The following SATB2 variants were observed in gnomAD, a reference collection of about 807,000 sequenced individuals.
SATB2 encodes DNA-binding protein SATB2.
Under a neutral mutation model 73.4 loss-of-function variants are expected in SATB2, and 1 was observed. The observed-to-expected ratio is 0.01, with a 90% confidence interval of 0.00 to 0.06. The LOEUF (loss-of-function observed/expected upper bound fraction) is 0.06. Ranked by LOEUF, SATB2 falls within the 10% of genes least tolerant of loss-of-function variation. The pLI is 1.00. For missense variants in SATB2, 459 were observed against 945.8 expected (o/e 0.49, Z 6.75); for synonymous variants, 397 against 367.0 (o/e 1.08, Z -0.93).
At chr2:199,278,285 T>A (rs1692378829) in intron 10 of SATB2, among the ~76,000 whole-genome samples, 1 of 152,138 alleles carries the variant, frequency 6.6e-6, no homozygotes, top group Non-Finnish European at 1.5e-5. Context: ...CGCAAGAAAG[T>A]CAGCACGTTA....
At chr2:199,297,614 A>G (rs1351564263) in intron 10 of SATB2, among the ~76,000 whole-genome samples, 1 of 152,186 alleles carries the variant, frequency 6.6e-6, no homozygotes, top group African/African-American at 2.4e-5. Flanking sequence ...CCCTTGTTTG[A>G]GTCCACCAAG....
At chr2:199,428,771 C>T (rs2105922786) in intron 3 of SATB2, among the ~76,000 whole-genome samples, 1 of 152,240 alleles carries the variant, frequency 6.6e-6, no homozygotes, top group Middle Eastern at 3.4e-3. Flanking sequence ...GTGGCTCACA[C>T]CTTTAATCCC....
chr2:199,380,044 C>A (rs1200140406), intron 5 of SATB2, among the ~76,000 whole-genome samples: 1 of 151,714 alleles, frequency 6.6e-6, no homozygotes, highest in East Asian at 2.0e-4. Context: ...TCACCACGCC[C>A]AGCTAACTTT....
rs114301127 is a variant in SATB2 at position 199,308,634 on chromosome 2, T to G, written c.1740+126A>C. ...ACTGTGACGACAGCGTCTTCTGTAC[T>G]TGGGGACCTGGCATGAGACACCCTC... On this transcript the variant is annotated intron_variant, in intron 10 of 10. Coordinates refer to ENST00000417098, the MANE Select transcript of SATB2 (RefSeq NM_001172509.2). The surrounding 1 kb of genome is among the most constrained non-coding windows in gnomAD (Gnocchi z 4.6). The G allele has an allele frequency of 2.1e-3, 1,635 of 769,346 alleles. 15 individuals carry two copies. The African/African-American group carries it at 0.024, about 12-fold the overall frequency. The allele number at this position is 769,346 out of a possible 1,614,324, so 47.7% of individuals were successfully genotyped here. A position where few individuals can be genotyped will look rare whatever the true frequency, so the allele number is the denominator to read the frequency against.
At chr2:199,393,471 T>G (rs906106489) in intron 3 of SATB2, among the ~76,000 whole-genome samples, 1 of 152,118 alleles carries the variant, frequency 6.6e-6, no homozygotes, top group East Asian at 1.9e-4. Flanking sequence ...TCTAGACACC[T>G]GATAATGGCA....
chr2:199,348,839 G>A lies in SATB2; in HGVS notation c.1035C>T (p.Ile345=). ...TTGGCTCTGGCTTAACTGCTCTGGGGATGGGTGGATGGTTCAGGAACTGCT... is the reference window on the plus strand; with the variant it reads ...TTGGCTCTGGCTTAACTGCTCTGGGAATGGGTGGATGGTTCAGGAACTGCT... ...INQQFLNHPP[I]PRAVKPEPTN... The change falls in exon 7 of 11, where the codon ATC becomes ATT. Residue 345 remains isoleucine (I), a synonymous_variant. Transcript: ENST00000417098. The A allele has an allele frequency of 1.2e-6, 2 of 1,614,114 alleles. No individual in the cohort carries two copies. Among genetic ancestry groups the A allele is most frequent in the Non-Finnish European group, 1.7e-6 (2 of 1,179,972 alleles).
intron 10 of SATB2, among the ~76,000 whole-genome samples, chr2:199,307,751 G>A (rs903477601): frequency 2.0e-5 from 3 of 152,168 alleles, no homozygotes; most frequent in African/African-American, 4.8e-5. Flanking sequence ...TGTGAGGGGG[G>A]AGGGAAGGGA....
chr2:199,297,535 T>C (rs1687146045), intron 10 of SATB2, among the ~76,000 whole-genome samples: 1 of 152,190 alleles, frequency 6.6e-6, no homozygotes, highest in Non-Finnish European at 1.5e-5. Flanking sequence ...TCCTAATTCA[T>C]CTTCTGGTAG....
At chr2:199,307,764 G>A (rs899682686) in intron 10 of SATB2, among the ~76,000 whole-genome samples, 1 of 152,158 alleles carries the variant, frequency 6.6e-6, no homozygotes, top group Admixed American at 6.5e-5. Context: ...GGAAGGGAAA[G>A]GAGACAGAAA....
intron 2 of SATB2, among the ~76,000 whole-genome samples, chr2:199,440,008 G>C (rs1185127725): frequency 6.6e-6 from 1 of 152,050 alleles, no homozygotes; most frequent in Admixed American, 6.6e-5. Flanking sequence ...GGGAGGCTGA[G>C]GGCAGGAGAA....
chr2:199,283,381 C>T (rs1283920942), intron 10 of SATB2, among the ~76,000 whole-genome samples: 5 of 151,576 alleles, frequency 3.3e-5, no homozygotes, highest in African/African-American at 9.7e-5. Flanking sequence ...TGAGCTACCA[C>T]GCCCAGCCAA....
chr2:199,283,432 A>C (rs575149342), intron 10 of SATB2, among the ~76,000 whole-genome samples: 2 of 151,568 alleles, frequency 1.3e-5, no homozygotes, highest in Non-Finnish European at 2.9e-5. Context: ...CCGTGAGCTC[A>C]TGGCTGTGAA....
chr2:199,429,480 G>A (rs1295788368), intron 3 of SATB2, among the ~76,000 whole-genome samples: 33 of 151,960 alleles, frequency 2.2e-4, no homozygotes, highest in Admixed American at 2.2e-3. Context: ...TTAAATGACT[G>A]CATGAATGTA....
At chr2:199,368,566 A>G (rs1399757998) in intron 6 of SATB2, 39 bp downstream of exon 6, 1 of 1,181,132 alleles carries the variant, frequency 8.5e-7, no homozygotes, top group Non-Finnish European at 1.3e-6. Flanking sequence ...GAACCTCAGA[A>G]ACTGAAAACA....
intron 3 of SATB2, among the ~76,000 whole-genome samples, chr2:199,409,462 G>A (rs975809502): frequency 3.3e-5 from 5 of 152,142 alleles, no homozygotes; most frequent in South Asian, 4.1e-4. Context: ...AAGCCACTGC[G>A]CCCGGCCGCA....
chr2:199,347,898 T>G (rs1383973983), intron 7 of SATB2: 2 of 152,192 alleles, frequency 1.3e-5, no homozygotes, highest in Non-Finnish European at 2.9e-5. Context: ...CATAATCACC[T>G]GGGATCTTGT....
At chr2:199,281,044 C>T (rs1692473180) in intron 10 of SATB2, among the ~76,000 whole-genome samples, 1 of 152,058 alleles carries the variant, frequency 6.6e-6, no homozygotes, top group Non-Finnish European at 1.5e-5. Flanking sequence ...GTACTCTGTC[C>T]CTTTATTTCT....
rs72202602 is a variant in SATB2 at position 199,355,348 on chromosome 2, C to CTATATATATATATATATA, written c.701-6193_701-6176dup. On this transcript the variant is annotated intron_variant, in intron 6 of 10. Coordinates refer to ENST00000417098, the MANE Select transcript of SATB2 (RefSeq NM_001172509.2). The stretch of plus-strand genomic sequence containing the variant: ...TATGTGTGTGTGTGTGTGTGTGTAT[C>CTATATATATATATATATA]TATATATATATATATATATATATAT... 2.8e-3 allele frequency among the ~76,000 whole-genome samples: 370 copies of CTATATATATATATATATA among 134,138 alleles called. 19 individuals carry two copies. Among genetic ancestry groups the CTATATATATATATATATA allele is most frequent in the East Asian group, 4.9e-3 (20 of 4,048 alleles). The allele number at this position is 134,138 out of a possible 152,430, so 88.0% of individuals were successfully genotyped here.
intron 10 of SATB2, among the ~76,000 whole-genome samples, chr2:199,304,103 A>C (rs1358499011): frequency 1.3e-5 from 2 of 152,168 alleles, no homozygotes. Context: ...CTGGATGCCA[A>C]AATCGCCTGT....
Sources: allele counts gnomAD v4.1 joint callset (sites outside exome capture counted in the v4.1 genomes callset), GRCh38; gene constraint gnomAD v4.1.1; non-coding constraint Gnocchi (gnomAD v3.1); transcripts MANE v1.5; gene names NCBI Gene and HGNC (gene_info 2026-07-23, HGNC 2026-07-21).